The following L3MBTL4 variants were observed in gnomAD, a reference collection of about 807,000 sequenced individuals.
L3MBTL4 encodes lethal(3)malignant brain tumor-like protein 4.
Under a neutral mutation model 84.5 loss-of-function variants are expected in L3MBTL4, and 70 were observed. The observed-to-expected ratio is 0.83, with a 90% CI of 0.68 to 1.01. L3MBTL4 has a LOEUF of 1.01. Ranked by LOEUF, L3MBTL4 falls within the 50% of genes least tolerant of loss-of-function variation. The pLI is 0.00. For missense variants in L3MBTL4, 715 were observed against 754.8 expected (o/e 0.95, Z 0.62); for synonymous variants, 274 against 259.8 (o/e 1.05, Z -0.52).
chr18:6,119,806 T>A (rs1323964180), intron 14 of L3MBTL4, among the ~76,000 whole-genome samples: 1 of 152,142 alleles, frequency 6.6e-6, no homozygotes, highest in Non-Finnish European at 1.5e-5. Flanking sequence ...AGAAAAAACA[T>A]TTCTCTACCC....
chr18:6,140,575 A>G (rs888029678), intron 13 of L3MBTL4, among the ~76,000 whole-genome samples: 11 of 151,996 alleles, frequency 7.2e-5, no homozygotes, highest in African/African-American at 2.7e-4. Context: ...CCTGCCCAGC[A>G]CTTCCCCTCC....
chr18:6,061,579 TCTC>T (rs893937695), intron 16 of L3MBTL4, among the ~76,000 whole-genome samples: 9 of 152,112 alleles, frequency 5.9e-5, no homozygotes, highest in Admixed American at 3.9e-4. Context: ...ACCTAGATTT[TCTC>T]CTTTGTTATC....
At chr18:6,268,843 T>A (rs772329500) in intron 4 of L3MBTL4, among the ~76,000 whole-genome samples, 15 of 152,330 alleles carry the variant, frequency 9.8e-5, no homozygotes, top group Non-Finnish European at 2.1e-4. Context: ...TGTGTGTGTG[T>A]GAGCACATAT....
At chr18:6,108,542 CTCA>C (rs2059086680) in intron 14 of L3MBTL4, among the ~76,000 whole-genome samples, 1 of 152,056 alleles carries the variant, frequency 6.6e-6, no homozygotes, top group African/African-American at 2.4e-5. Context: ...ATGAACTGCT[CTCA>C]TCATGATTTT....
At chr18:6,198,425 AT>A (rs1268149391) in intron 12 of L3MBTL4, among the ~76,000 whole-genome samples, 13 of 152,170 alleles carry the variant, frequency 8.5e-5, no homozygotes, top group African/African-American at 2.7e-4. Flanking sequence ...TTTTAGTGGG[AT>A]TTCATGTCTA....
chr18:6,211,723 A>G (rs2046112933), intron 12 of L3MBTL4, among the ~76,000 whole-genome samples: 1 of 150,210 alleles, frequency 6.7e-6, no homozygotes, highest in Non-Finnish European at 1.5e-5. Context: ...ATCTCGGCTC[A>G]CTGCAACCTC....
chr18:5,977,672 G>A (rs1261452326), intron 16 of L3MBTL4, among the ~76,000 whole-genome samples: 1 of 152,238 alleles, frequency 6.6e-6, no homozygotes, highest in East Asian at 1.9e-4. Flanking sequence ...AGTTCCTGCT[G>A]TTGATACTAT....
chr18:6,319,823 AAAAT>A (rs1419975093), intron 1 of L3MBTL4, among the ~76,000 whole-genome samples: 7 of 151,926 alleles, frequency 4.6e-5, no homozygotes, highest in African/African-American at 7.2e-5. Context: ...GGCATATCAA[AAAAT>A]AAATAAATAA....
At chr18:6,032,144 AT>A in intron 16 of L3MBTL4, 3 of 275,762 alleles carry the variant, frequency 1.1e-5, no homozygotes, top group Non-Finnish European at 1.3e-5. Context: ...CGCCTGGCTA[AT>A]TTTTTGTATT....
chr18:6,351,188 T>C (rs574448965), intron 1 of L3MBTL4, among the ~76,000 whole-genome samples: 1 of 152,182 alleles, frequency 6.6e-6, no homozygotes, highest in Admixed American at 6.5e-5. Flanking sequence ...GCAGCGAGAC[T>C]CCATCTCGAA....
chr18:6,101,843 ATTTC>A (rs1384443271), intron 14 of L3MBTL4, among the ~76,000 whole-genome samples: 1 of 152,150 alleles, frequency 6.6e-6, no homozygotes, highest in African/African-American at 2.4e-5. Flanking sequence ...AGGAGCCATT[ATTTC>A]TTTCTTCCTT....
chr18:6,171,641 T>A (rs1190390814), intron 13 of L3MBTL4, among the ~76,000 whole-genome samples, 187 bp downstream of exon 13: 2 of 152,252 alleles, frequency 1.3e-5, no homozygotes, highest in East Asian at 3.8e-4. Flanking sequence ...ATTATCACTT[T>A]TCATTAACAT....
chr18:6,155,619 A>C (rs2043070258), intron 13 of L3MBTL4, among the ~76,000 whole-genome samples: 1 of 152,216 alleles, frequency 6.6e-6, no homozygotes, highest in African/African-American at 2.4e-5. Flanking sequence ...AGGAAAACAA[A>C]TTCCAATTTT....
intron 10 of L3MBTL4, among the ~76,000 whole-genome samples, chr18:6,233,796 C>T (rs1022845193): frequency 6.6e-5 from 10 of 152,112 alleles, no homozygotes; most frequent in African/African-American, 2.4e-4. Context: ...TGACTTTCTT[C>T]ACAGAATTGG....
chr18:6,207,922 C>G (rs1164783481), intron 12 of L3MBTL4, among the ~76,000 whole-genome samples: 1 of 151,824 alleles, frequency 6.6e-6, no homozygotes, highest in East Asian at 1.9e-4. Context: ...CTGGGCAACA[C>G]TGCAAACCCC....
At chr18:6,203,925 T>A (rs556186201) in intron 12 of L3MBTL4, among the ~76,000 whole-genome samples, 1 of 152,302 alleles carries the variant, frequency 6.6e-6, no homozygotes, top group African/African-American at 2.4e-5. Context: ...AGCTGCCACA[T>A]GGCTGCCCTA....
chr18:6,292,096 TATCA>T (rs2049892278), intron 4 of L3MBTL4, among the ~76,000 whole-genome samples: 2 of 152,214 alleles, frequency 1.3e-5, no homozygotes, highest in Admixed American at 6.5e-5. Flanking sequence ...TTACAAATTA[TATCA>T]ATCTATTAAA....
At position 6,039,125 on chromosome 18, in the gene L3MBTL4, A is replaced by C. The variant is rs544527960; in HGVS notation, c.1444+41756T>G. Among the ~76,000 whole-genome samples the C allele has an allele frequency of 1.3e-5, 2 of 152,174 alleles. 1 individual carries two copies. Among genetic ancestry groups the C allele is most frequent in the South Asian group, 4.2e-4 (2 of 4,812 alleles). On this transcript the variant is annotated intron_variant, in intron 16 of 18. Coordinates refer to ENST00000317931, the MANE Select transcript of L3MBTL4 (RefSeq NM_001330559.2). ...GACAGATGGTAGTAGTCTACAAGCCAAGAGAAGAGGCCCCAGAATCAAACC... is the reference window on the plus strand; with the variant it reads ...GACAGATGGTAGTAGTCTACAAGCCCAGAGAAGAGGCCCCAGAATCAAACC...
intron 4 of L3MBTL4, among the ~76,000 whole-genome samples, chr18:6,270,643 A>G (rs1227797404): frequency 6.6e-6 from 1 of 152,202 alleles, no homozygotes; most frequent in Non-Finnish European, 1.5e-5. Flanking sequence ...CAATCCAGGG[A>G]GAAGCAGCAT....
Sources: gnomAD v4.1 joint callset for allele counts (sites outside exome capture counted in the v4.1 genomes callset) on GRCh38, gnomAD v4.1.1 for gene constraint, MANE v1.5 for transcripts, NCBI Gene and HGNC (gene_info 2026-07-23, HGNC 2026-07-21) for gene names.